ERVFRD-1: variants seen among roughly 807,000 people sequenced by gnomAD.
ERVFRD-1 encodes endogenous retrovirus group FRD member 1, envelope.
Under a neutral mutation model 43.8 loss-of-function variants are expected in ERVFRD-1, and 33 were observed. That is an observed-to-expected ratio of 0.75 (90% CI 0.57 to 1.01). The LOEUF (loss-of-function observed/expected upper bound fraction) is 1.01. Ranked by LOEUF, ERVFRD-1 falls within the 50% of genes least tolerant of loss-of-function variation. The pLI, the probability that ERVFRD-1 is intolerant of heterozygous loss-of-function variation, is 0.00. For missense variants in ERVFRD-1, 568 were observed against 658.4 expected (o/e 0.86, Z 1.50); for synonymous variants, 239 against 244.4 (o/e 0.98, Z 0.21).
At position 11,104,884 on chromosome 6, in the gene ERVFRD-1, T is replaced by G. The variant is rs887083915; in HGVS notation, c.427A>C (p.Thr143Pro). Residue 143 changes from threonine to proline, a missense_variant, in exon 2 of 2, where the codon ACA (threonine) becomes CCA (proline). Physicochemically the swap from Thr to Pro is conservative, Grantham distance 38 (BLOSUM62 -1). Transcript: ENST00000472091. The stretch of plus-strand genomic sequence containing the variant: ...ACAGTGAAAGTAACATTACAGACTG[T>G]ACTTGGAAGAGTGCCTACATTTGTT... ...NGTNVGTLPS[T>P]VCNVTFTVDS... 1 of 1,614,230 alleles carries G rather than the reference T, an allele frequency of 6.2e-7. No individual in the cohort carries two copies. The highest frequency in any genetic ancestry group is 1.7e-5 in the Admixed American group (1 of 60,026).
In ERVFRD-1 at chr6:11,103,868, A is replaced by G. The variant is rs1024006240; in HGVS notation, c.1443T>C (p.Ser481=). The G allele has an allele frequency of 1.1e-5, 17 of 1,551,624 alleles. No homozygotes were observed. In the Admixed American group the frequency reaches 2.0e-4, roughly 18 times the overall value. ...LNWEGTWKWF[S]WVLPLTGPLV... is the part of the protein sequence containing the mutation. Reference sequence around the variant, plus strand: ...GTGGGCCTGTAAGGGGAAGAACCCAAGAGAACCATTTCCAAGTTCCTTCCC... The same window carrying G: ...GTGGGCCTGTAAGGGGAAGAACCCAGGAGAACCATTTCCAAGTTCCTTCCC... Residue 481 remains serine, a synonymous_variant, in exon 2 of 2, where the codon TCT becomes TCC. Transcript: ENST00000472091.
Position 11,103,580 on chromosome 6 carries a change from CA to C in ERVFRD-1, c.*113del. On this transcript the variant is annotated 3_prime_UTR_variant, in exon 2 of 2. Transcript: ENST00000472091. ...TGGGTCTTGGCCTCTTGCTAGCTGT[CA>C]GGGCAGGATGGCTCTGTGGATTGGC... 3 of 1,417,186 alleles carry C rather than the reference CA, an allele frequency of 2.1e-6. No homozygotes were observed. The highest frequency in any genetic ancestry group is 2.8e-6 in the Non-Finnish European group (3 of 1,081,582). The allele number at this position is 1,417,186 out of a possible 1,614,324, so 87.8% of individuals were successfully genotyped here. A position where few individuals can be genotyped will look rare whatever the true frequency, so the allele number is the denominator to read the frequency against.
At position 11,105,625 on chromosome 6, in the gene ERVFRD-1, T is replaced by C; in HGVS notation, c.-315A>G. The C allele has an allele frequency of 3.4e-6, 1 of 293,470 alleles. No homozygotes were observed. Among genetic ancestry groups the C allele is most frequent in the Non-Finnish European group, 6.8e-6 (1 of 147,212 alleles). The allele number at this position is 293,470 out of a possible 1,614,324, so 18.2% of individuals were successfully genotyped here. ...ATCTAGCTGGCAGTCTCCAGTACTG[T>C]AATGGCTGTAGGGGTAGATAATAGA... On this transcript the variant is annotated 5_prime_UTR_variant, in exon 2 of 2. Transcript: ENST00000472091.
intron 1 of ERVFRD-1, among the ~76,000 whole-genome samples, chr6:11,106,865 T>C (rs539045975): frequency 6.6e-6 from 1 of 152,328 alleles, no homozygotes; most frequent in African/African-American, 2.4e-5. Context: ...TTAATTTGAG[T>C]ATCTGGAGCT....
At chr6:11,107,650 C>T (rs903625549) in intron 1 of ERVFRD-1, among the ~76,000 whole-genome samples, 18 of 152,170 alleles carry the variant, frequency 1.2e-4, no homozygotes, top group African/African-American at 4.3e-4. Flanking sequence ...AGACTGGAAA[C>T]CACTGAGCAT....
rs759508428 is a variant in ERVFRD-1, at chr6:11,103,637, A to T, written c.*57T>A. The stretch of plus-strand genomic sequence containing the variant: ...CCATATCCAGCCAGGTCCACGGGAG[A>T]CGGGGCAGGATTTCGCCTCTGTCGT... On this transcript the variant is annotated 3_prime_UTR_variant, in exon 2 of 2. Coordinates refer to ENST00000472091, the MANE Select transcript of ERVFRD-1 (RefSeq NM_207582.3). 1.3e-5 allele frequency: 20 copies of T among 1,482,218 alleles called. No homozygotes were observed. The highest frequency in any genetic ancestry group is 1.7e-5 in the Non-Finnish European group (19 of 1,114,912). 91.8% of individuals were successfully genotyped at this position (1,482,218 alleles called of 1,614,324 possible). A position where few individuals can be genotyped will look rare whatever the true frequency, so the allele number is the denominator to read the frequency against.
At position 11,103,819 on chromosome 6, in the gene ERVFRD-1, G is replaced by C. The variant is rs1211108646; in HGVS notation, c.1492C>G (p.Leu498Val). Residue 498 changes from leucine (L) to valine (V), a missense_variant, in exon 2 of 2, where the codon CTT becomes GTT. By Grantham distance (32) the Leu-to-Val change is conservative. Transcript: ENST00000472091. ...AGATTTAGGAGACATGGACCAAAAAGGAGCAAAAGTAGGAGACTAACAAGT... is the reference window on the plus strand; with the variant it reads ...AGATTTAGGAGACATGGACCAAAAACGAGCAAAAGTAGGAGACTAACAAGT... ...GPLVSLLLLL[L>V]FGPCLLNLIT... 1 of 1,551,678 alleles carries C rather than the reference G, an allele frequency of 6.4e-7. No individual in the cohort carries two copies. Among genetic ancestry groups the C allele is most frequent in the Non-Finnish European group, 8.7e-7 (1 of 1,146,980 alleles).
At position 11,103,738 on chromosome 6, in the gene ERVFRD-1, T is replaced by C; in HGVS notation, c.1573A>G (p.Ser525Gly). The C allele has an allele frequency of 1.3e-6, 2 of 1,551,642 alleles. No individual in the cohort carries two copies. The highest frequency in any genetic ancestry group is 1.7e-6 in the Non-Finnish European group (2 of 1,146,964). The change falls in exon 2 of 2, where the codon AGT becomes GGT. Residue 525 changes from serine to glycine, a missense_variant. Ser to Gly is a moderately conservative substitution (Grantham distance 56, BLOSUM62 0). Transcript: ENST00000472091. ...ATATTGCGAGGATGGCGTCCTGCAC[T>C]GAGATTCGTCTGGAGCTTTATGGCC... ...LQAIKLQTNLSAGRHPRNIQE... is the reference protein window; with the variant it reads ...LQAIKLQTNLGAGRHPRNIQE...
In ERVFRD-1 at chr6:11,104,371, T is replaced by A. The variant is rs1222134670; in HGVS notation, c.940A>T (p.Thr314Ser). 1 of 1,551,602 alleles carries A rather than the reference T, an allele frequency of 6.4e-7. No homozygotes were observed. Among genetic ancestry groups the A allele is most frequent in the African/African-American group, 1.4e-5 (1 of 73,042 alleles). ...ACATAGCCTATGGTACAAGTTCCAG[T>A]CCAGTTACTGGGGAGGCATTGGTGA... Reference protein sequence around the residue: ...SIHQCLPSNWTGTCTIGYVTP... With the variant: ...SIHQCLPSNWSGTCTIGYVTP... Residue 314 changes from threonine (T) to serine (S), a missense_variant, in exon 2 of 2, where the codon ACT becomes TCT. Thr to Ser is a moderately conservative substitution (Grantham distance 58). Transcript: ENST00000472091.
intron 1 of ERVFRD-1, among the ~76,000 whole-genome samples, chr6:11,106,555 A>C (rs899937415): frequency 6.6e-6 from 1 of 152,230 alleles, no homozygotes; most frequent in Non-Finnish European, 1.5e-5. Context: ...GGCTTTAGGT[A>C]GACGGAGAAG....
At chr6:11,106,312 T>G (rs72825122) in intron 1 of ERVFRD-1, among the ~76,000 whole-genome samples, 1 of 152,224 alleles carries the variant, frequency 6.6e-6, no homozygotes, top group Non-Finnish European at 1.5e-5. Context: ...CTGAGTGAAG[T>G]CCATCTGCCA....
chr6:11,107,839 A>G (rs1246780174), intron 1 of ERVFRD-1, among the ~76,000 whole-genome samples: 1 of 152,196 alleles, frequency 6.6e-6, no homozygotes, highest in Non-Finnish European at 1.5e-5. Context: ...TTCAGTCAGA[A>G]GCTGAAATCC....
In ERVFRD-1 at chr6:11,104,831, T is replaced by TG. The variant is rs1561752927; in HGVS notation, c.479dup (p.Tyr161IlefsTer28). The TG allele has an allele frequency of 1.2e-6, 2 of 1,614,186 alleles. No individual in the cohort carries two copies. Among genetic ancestry groups the TG allele is most frequent in the Admixed American group, 3.3e-5 (2 of 60,020 alleles). ...GATGGCGGAATTGGTTGTGGGTGTATGTTTGGTAAGTCTGTTGGTTAGAAT... is the reference window on the plus strand; with the variant it reads ...GATGGCGGAATTGGTTGTGGGTGTATGGTTTGGTAAGTCTGTTGGTTAGAAT... On this transcript the variant is annotated frameshift_variant, in exon 2 of 2. Transcript: ENST00000472091. LOFTEE classifies it high-confidence loss of function.
At chr6:11,107,343 G>A (rs893272136) in intron 1 of ERVFRD-1, among the ~76,000 whole-genome samples, 1 of 152,200 alleles carries the variant, frequency 6.6e-6, no homozygotes, top group African/African-American at 2.4e-5. Flanking sequence ...TGTATTCTCT[G>A]TCTGCAAGGA....
Position 11,104,963 on chromosome 6 carries a change from A to T in ERVFRD-1, c.348T>A (p.Asn116Lys), listed in dbSNP as rs759430701. 4.3e-6 allele frequency: 7 copies of T among 1,614,222 alleles called. No homozygotes were observed. The Admixed American group carries it at 1.2e-4, about 27-fold the overall frequency. Residue 116 changes from asparagine (N) to lysine (K), a missense_variant, in exon 2 of 2, where the codon AAT becomes AAA. Transcript: ENST00000472091. Reference sequence around the variant, plus strand: ...TAGGGGCTATTCCCATTAGGTTGATATTAGTAAAGATGGGTCCGAAAATGG... The same window carrying T: ...TAGGGGCTATTCCCATTAGGTTGATTTTAGTAAAGATGGGTCCGAAAATGG... ...KPPIFGPIFTNINLMGIAPIC... is the reference protein window; with the variant it reads ...KPPIFGPIFTKINLMGIAPIC...
At chr6:11,107,549 T>C (rs1758104979) in intron 1 of ERVFRD-1, among the ~76,000 whole-genome samples, 1 of 152,214 alleles carries the variant, frequency 6.6e-6, no homozygotes, top group South Asian at 2.1e-4. Flanking sequence ...AGCTGTTGAC[T>C]CCTTCCTTTT....
chr6:11,105,893 C>A (rs2113645283), intron 1 of ERVFRD-1, among the ~76,000 whole-genome samples: 1 of 152,164 alleles, frequency 6.6e-6, no homozygotes, highest in East Asian at 1.9e-4. Context: ...AATGGCCTAC[C>A]ATATAAAGCC....
rs1758016420 is a variant in ERVFRD-1, at chr6:11,102,901, A to C, written c.*793T>G. ...GAGTAAAAGTTTTAGAGCAAGAACA[A>C]AAGGAAGCAAAGTGCACTTGAAGAG... On this transcript the variant is annotated 3_prime_UTR_variant, in exon 2 of 2. Coordinates refer to ENST00000472091, the MANE Select transcript of ERVFRD-1 (RefSeq NM_207582.3). 1 of 152,226 alleles carries C rather than the reference A, an allele frequency of 6.6e-6. No individual in the cohort carries two copies. The highest frequency in any genetic ancestry group is 1.5e-5 in the Non-Finnish European group (1 of 68,052). The allele number at this position is 152,226 out of a possible 1,614,324, so 9.4% of individuals were successfully genotyped here.
chr6:11,110,160 G>A (rs1433118268), intron 1 of ERVFRD-1, among the ~76,000 whole-genome samples: 1 of 152,088 alleles, frequency 6.6e-6, no homozygotes, highest in African/African-American at 2.4e-5. Flanking sequence ...CAGTGAACAG[G>A]GTGCCCTCCC....
Sources: gnomAD v4.1 joint callset for allele counts (sites outside exome capture counted in the v4.1 genomes callset) on GRCh38, gnomAD v4.1.1 for gene constraint, MANE v1.5 for transcripts, NCBI Gene and HGNC (gene_info 2026-07-23, HGNC 2026-07-21) for gene names.